The following MTMR8 variants were observed in gnomAD, a reference collection of about 807,000 sequenced individuals.
The protein encoded by MTMR8 is myotubularin related protein 8.
MTMR8 carries 65 observed loss-of-function variants against 39.3 expected under a neutral mutation model. That is an observed-to-expected ratio of 1.65 (90% CI 1.35 to 2.03). The LOEUF is 2.03. MTMR8 is among the 30% of genes most tolerant of loss of function. The probability of loss-of-function intolerance (pLI) is 0.00; values close to 1 mark genes in which losing one functional copy is unlikely to be tolerated. For synonymous variants in MTMR8, 245 were observed against 185.2 expected, an observed-to-expected ratio of 1.32 and a Z score of -2.62; for missense variants, 777 against 538.9, an observed-to-expected ratio of 1.44 and a Z score of -4.37.
chrX:64,270,813 A>G lies in MTMR8; in HGVS notation c.1608+134T>C, dbSNP rs1236802201. 3 of 627,111 alleles carry G rather than the reference A, an allele frequency of 4.8e-6. No homozygotes were observed. The Admixed American group carries it at 1.3e-4, about 28-fold the overall frequency. 51.7% of individuals were successfully genotyped at this position (627,111 alleles called of 1,213,427 possible). The stretch of plus-strand genomic sequence containing the variant: ...GAGTTATGCTCAGAGATTTGTAGAC[A>G]CGGGACACATGAAAAGCCAAAGAGT... On this transcript the variant is annotated intron_variant, in intron 13 of 13. Transcript: ENST00000374852.
intron 6 of MTMR8, among the ~76,000 whole-genome samples, chrX:64,347,871 GCTGATA>G (rs1487973941): frequency 3.6e-5 from 4 of 112,066 alleles, no homozygotes; most frequent in Non-Finnish European, 7.5e-5. Context: ...AGGAGTTTAA[GCTGATA>G]CTTAGGTTAA....
chrX:64,356,747 C>T (rs1923635577), intron 2 of MTMR8, among the ~76,000 whole-genome samples: 1 of 110,638 alleles, frequency 9.0e-6, no homozygotes, highest in Non-Finnish European at 1.9e-5. Context: ...AGGTATTGTG[C>T]CTTATCATAA....
chrX:64,309,708 C>A (rs1012838533), intron 12 of MTMR8, among the ~76,000 whole-genome samples: 2 of 111,823 alleles, frequency 1.8e-5, no homozygotes, highest in African/African-American at 6.5e-5. Context: ...CAGGCCACTG[C>A]AATAAAGCAA....
At chrX:64,368,052 A>G (rs1289251473) in intron 1 of MTMR8, among the ~76,000 whole-genome samples, 3 of 111,907 alleles carry the variant, frequency 2.7e-5, no homozygotes, top group Non-Finnish European at 5.6e-5. Context: ...CTTACAAGGG[A>G]TGTGAAGGAC....
intron 4 of MTMR8, among the ~76,000 whole-genome samples, chrX:64,352,020 G>C (rs1244653002): frequency 9.0e-6 from 1 of 111,251 alleles, no homozygotes; most frequent in African/African-American, 3.3e-5. Context: ...TTAACCATCA[G>C]ACTACCCTTA....
At chrX:64,309,233 C>T (rs930288078) in intron 12 of MTMR8, among the ~76,000 whole-genome samples, 3 of 111,916 alleles carry the variant, frequency 2.7e-5, no homozygotes, top group African/African-American at 9.7e-5. Flanking sequence ...TCTTTCTATC[C>T]ATGAGCATAG....
chrX:64,325,811 T>C (rs553394846), intron 12 of MTMR8, among the ~76,000 whole-genome samples: 15 of 111,572 alleles, frequency 1.3e-4, no homozygotes, highest in Admixed American at 3.8e-4. Flanking sequence ...GAGAAAGAAA[T>C]GAAAGCTATC....
intron 12 of MTMR8, among the ~76,000 whole-genome samples, chrX:64,320,459 T>G (rs1170647814): frequency 9.0e-6 from 1 of 110,850 alleles, no homozygotes; most frequent in Non-Finnish European, 1.9e-5. Context: ...GCCTGCCTGG[T>G]AGCTCCCTAA....
chrX:64,390,204 A>C (rs1168875388), intron 1 of MTMR8, among the ~76,000 whole-genome samples: 1 of 112,306 alleles, frequency 8.9e-6, no homozygotes, highest in Non-Finnish European at 1.9e-5. Flanking sequence ...TGTAGTTAAC[A>C]TGACTGAACA....
At chrX:64,290,962 T>C (rs1921373402) in intron 12 of MTMR8, among the ~76,000 whole-genome samples, 1 of 111,955 alleles carries the variant, frequency 8.9e-6, no homozygotes, top group Non-Finnish European at 1.9e-5. Flanking sequence ...GATTTTTTTC[T>C]GGCATATATG....
At chrX:64,334,304 T>C (rs943180302) in intron 10 of MTMR8, among the ~76,000 whole-genome samples, 1 of 110,157 alleles carries the variant, frequency 9.1e-6, no homozygotes, top group Non-Finnish European at 1.9e-5. Flanking sequence ...CAGAAACCTT[T>C]GAGTTTTATT....
intron 1 of MTMR8, among the ~76,000 whole-genome samples, chrX:64,385,287 C>T (rs1924529965): frequency 8.9e-6 from 1 of 111,768 alleles, no homozygotes; most frequent in African/African-American, 3.3e-5. Context: ...ATATCACTAT[C>T]AGCATTTTGT....
intron 12 of MTMR8, among the ~76,000 whole-genome samples, chrX:64,283,703 C>G (rs1306924114): frequency 8.9e-6 from 1 of 112,456 alleles, no homozygotes; most frequent in Non-Finnish European, 1.9e-5. Context: ...TGCTGATACC[C>G]AGGCAAACAG....
chrX:64,316,573 G>T (rs1287151974), intron 12 of MTMR8, among the ~76,000 whole-genome samples: 2 of 111,511 alleles, frequency 1.8e-5, no homozygotes, highest in Non-Finnish European at 3.8e-5. Context: ...ATTTGAGCCT[G>T]GGAGGTCAAG....
chrX:64,268,712 C>A lies in MTMR8; in HGVS notation c.1940G>T (p.Gly647Val). The change falls in exon 14 of 14, where the codon GGC becomes GTC. Residue 647 changes from glycine (G) to valine (V), a missense_variant. Gly to Val is a moderately radical substitution (Grantham distance 109, BLOSUM62 -3). Transcript: ENST00000374852. ...ACAGATTCCTAAGTCTTTGGAGAAG[C>A]CCGTAGCCTCAAAGGTGCACATGTC... ...SGDMCTFEAT[G>V]FSKDLGICGA... 8.3e-7 allele frequency: 1 copy of A among 1,211,583 alleles called. No individual in the cohort carries two copies. Among genetic ancestry groups the A allele is most frequent in the Non-Finnish European group, 1.1e-6 (1 of 895,523 alleles).
rs761408471 is a variant in MTMR8, at chrX:64,331,692, A to T, written c.1217T>A (p.Ile406Asn). Residue 406 changes from isoleucine (I) to asparagine (N), a missense_variant, in exon 11 of 14, where the codon ATC becomes AAC. Ile to Asn is a moderately radical substitution (Grantham distance 149). Transcript: ENST00000374852. The stretch of plus-strand genomic sequence containing the variant: ...GGGAAACTGTTCCATTAATTGCCAG[A>T]TACAGTCTAGGAACTGGGTGAAGAT... Reference protein sequence around the residue: ...SPIFTQFLDCIWQLMEQFPCA... With the variant: ...SPIFTQFLDCNWQLMEQFPCA... The T allele has an allele frequency of 8.3e-7, 1 of 1,210,866 alleles. No individual in the cohort carries two copies. The highest frequency in any genetic ancestry group is 1.1e-6 in the Non-Finnish European group (1 of 894,796).
chrX:64,327,745 C>A (rs1214483726), intron 12 of MTMR8, among the ~76,000 whole-genome samples: 4 of 111,991 alleles, frequency 3.6e-5, no homozygotes, highest in Non-Finnish European at 5.6e-5. Context: ...TTTATTGCAG[C>A]ACTATTCACA....
At chrX:64,338,912 C>T (rs1230999628) in intron 8 of MTMR8, among the ~76,000 whole-genome samples, 1 of 111,446 alleles carries the variant, frequency 9.0e-6, no homozygotes, top group African/African-American at 3.3e-5. Flanking sequence ...GGTTTAGCAA[C>T]CAGGTGGATG....
intron 12 of MTMR8, among the ~76,000 whole-genome samples, chrX:64,288,367 A>C (rs1010725650): frequency 1.8e-5 from 2 of 111,499 alleles, no homozygotes; most frequent in South Asian, 7.6e-4. Flanking sequence ...GTCAGGAAAC[A>C]ACACGTGCTG....
Sources: gnomAD v4.1 joint callset for allele counts (sites outside exome capture counted in the v4.1 genomes callset) on GRCh38, gnomAD v4.1.1 for gene constraint, MANE v1.5 for transcripts, NCBI Gene and HGNC (gene_info 2026-07-23, HGNC 2026-07-21) for gene names.